Variants in AUTS2 observed in about 807,000 individuals in gnomAD.
AUTS2 encodes the protein activator of transcription and developmental regulator AUTS2.
A neutral mutation model predicts 112.4 loss-of-function variants in AUTS2; 17 were observed. The observed-to-expected ratio is 0.15, with a 90% CI of 0.10 to 0.23. The LOEUF is 0.23. Among genes scored for constraint, AUTS2 ranks in the 10% least tolerant of loss-of-function variants. The pLI, the probability that AUTS2 is intolerant of heterozygous loss-of-function variation, is 1.00. For missense variants in AUTS2, 1,510 were observed against 1,701.6 expected (o/e 0.89, Z 1.98); for synonymous variants, 751 against 702.7 (o/e 1.07, Z -1.09).
intron 6 of AUTS2, among the ~76,000 whole-genome samples, chr7:70,756,154 A>G (rs1003552608): frequency 6.6e-6 from 1 of 152,180 alleles, no homozygotes; most frequent in African/African-American, 2.4e-5. Flanking sequence ...AGTTTTCACT[A>G]TTGAGATCAC....
intron 1 of AUTS2, among the ~76,000 whole-genome samples, chr7:69,675,368 T>C (rs1257623386): frequency 1.3e-5 from 2 of 152,170 alleles, no homozygotes; most frequent in Non-Finnish European, 2.9e-5. Flanking sequence ...GTATTTTGTC[T>C]CCAGGACTAG....
chr7:70,498,257 G>A (rs1315276630), intron 5 of AUTS2, among the ~76,000 whole-genome samples: 1 of 152,200 alleles, frequency 6.6e-6, no homozygotes, highest in Admixed American at 6.5e-5. Context: ...CATTGCATGT[G>A]TGTGTGTATT....
intron 4 of AUTS2, among the ~76,000 whole-genome samples, chr7:70,367,569 A>G (rs186964769): frequency 6.8e-6 from 1 of 147,384 alleles, no homozygotes; most frequent in Non-Finnish European, 1.5e-5. Flanking sequence ...AAAAAAAAAA[A>G]TTGTAAAAAA....
intron 2 of AUTS2, among the ~76,000 whole-genome samples, chr7:70,110,397 T>C (rs1282063625): frequency 4.6e-5 from 7 of 152,080 alleles, no homozygotes; most frequent in African/African-American, 1.7e-4. Flanking sequence ...GCACCTGTAA[T>C]CTCAGCTACT....
intron 4 of AUTS2, chr7:70,291,203 G>C (rs1186976044): frequency 6.6e-6 from 1 of 152,126 alleles, no homozygotes; most frequent in Non-Finnish European, 1.5e-5. Flanking sequence ...TTTAACTTTT[G>C]TAGTTCCTAT....
intron 1 of AUTS2, among the ~76,000 whole-genome samples, chr7:69,883,254 C>T (rs1584389151): frequency 6.6e-6 from 1 of 151,006 alleles, no homozygotes; most frequent in East Asian, 1.9e-4. Flanking sequence ...TCAAAGCAGC[C>T]TCAGCTTCGG....
At chr7:69,828,897 T>C (rs1366347271) in intron 1 of AUTS2, among the ~76,000 whole-genome samples, 1 of 152,198 alleles carries the variant, frequency 6.6e-6, no homozygotes, top group Non-Finnish European at 1.5e-5. Flanking sequence ...AGGCAAAAAT[T>C]ATTCTTTCCT....
chr7:70,495,905 T>C (rs201303884), intron 5 of AUTS2, among the ~76,000 whole-genome samples: 4,126 of 21,232 alleles, frequency 0.19, no homozygotes, highest in Middle Eastern at 0.25. Context: ...CGATCACACA[T>C]CCCACTCACA....
At chr7:70,004,690 G>A (rs1264315222) in intron 2 of AUTS2, among the ~76,000 whole-genome samples, 1 of 151,334 alleles carries the variant, frequency 6.6e-6, no homozygotes, top group African/African-American at 2.4e-5. Flanking sequence ...TTTTGGGGCC[G>A]GGTGCAGTAG....
chr7:70,092,117 GAT>G (rs757453761), intron 2 of AUTS2, among the ~76,000 whole-genome samples: 55,167 of 151,536 alleles, frequency 0.36, 10,538 homozygotes, highest in African/African-American at 0.48. Flanking sequence ...ATACTCCTAA[GAT>G]TATATTTAAA....
rs577675099 is a variant in AUTS2, at chr7:70,000,189, T to C, written c.522+100691T>C. Among the ~76,000 whole-genome samples the C allele has an allele frequency of 2.6e-5, 4 of 152,302 alleles. 1 individual carries two copies. The South Asian group carries it at 8.3e-4, about 32-fold the overall frequency. ...ATAACAGAGCTGTCTGTACAGGGGATGATTCAGTCCGATACAGTCAGGGAA... is the reference window on the plus strand; with the variant it reads ...ATAACAGAGCTGTCTGTACAGGGGACGATTCAGTCCGATACAGTCAGGGAA... On this transcript the variant is annotated intron_variant, in intron 2 of 18. Transcript: ENST00000342771.
chr7:70,702,438 GA>G (rs1809507276), intron 6 of AUTS2, among the ~76,000 whole-genome samples: 1 of 152,216 alleles, frequency 6.6e-6, no homozygotes, highest in Non-Finnish European at 1.5e-5. Flanking sequence ...TAGACGGTGA[GA>G]GGGGCACAGT....
chr7:70,042,473 A>G (rs957139670), intron 2 of AUTS2, among the ~76,000 whole-genome samples: 9 of 152,192 alleles, frequency 5.9e-5, no homozygotes, highest in East Asian at 3.9e-4. Context: ...ACTGTTTCCA[A>G]TTTTTTCCTC....
intron 5 of AUTS2, among the ~76,000 whole-genome samples, chr7:70,572,544 A>G (rs1426609449): frequency 1.3e-5 from 2 of 152,168 alleles, no homozygotes; most frequent in East Asian, 1.9e-4. Context: ...ATAAAGCATT[A>G]AAGTTAAAAT....
chr7:69,821,610 C>T (rs1423996237), intron 1 of AUTS2, among the ~76,000 whole-genome samples: 4 of 152,028 alleles, frequency 2.6e-5, no homozygotes, highest in Non-Finnish European at 4.4e-5. Context: ...TTAAGAGCTG[C>T]AACACTCACC....
At chr7:69,784,247 C>T (rs991855061) in intron 1 of AUTS2, among the ~76,000 whole-genome samples, 3 of 152,102 alleles carry the variant, frequency 2.0e-5, no homozygotes, top group African/African-American at 7.2e-5. Context: ...GGGTGAAGTC[C>T]CAATGGGAAG....
At position 70,296,621 on chromosome 7, in the gene AUTS2, TTTTA is replaced by T. The variant is rs1239153565; in HGVS notation, c.661-139126_661-139123del. Among the ~76,000 whole-genome samples, 3 of 152,290 alleles carry T rather than the reference TTTTA, an allele frequency of 2.0e-5. No homozygotes were observed. The South Asian group carries it at 6.2e-4, about 32-fold the overall frequency. On this transcript the variant is annotated intron_variant, in intron 4 of 18. Coordinates refer to ENST00000342771, the MANE Select transcript of AUTS2 (RefSeq NM_015570.4). ...AATATGTTATTTCAAAGTAAAAACT[TTTTA>T]TTTAACTATTATTGTGTGTGTAACT...
At chr7:69,752,850 A>G (rs1288415021) in intron 1 of AUTS2, among the ~76,000 whole-genome samples, 1 of 152,202 alleles carries the variant, frequency 6.6e-6, no homozygotes, top group Non-Finnish European at 1.5e-5. Flanking sequence ...GAAATTGGAA[A>G]TGAAGCTGGG....
chr7:70,264,864 A>G (rs551290008), intron 4 of AUTS2, among the ~76,000 whole-genome samples: 260 of 152,324 alleles, frequency 1.7e-3, no homozygotes, highest in Admixed American at 3.7e-3. Context: ...ATTTTTAGAA[A>G]AAGTGTAAAG....
Sources: allele counts gnomAD v4.1 joint callset (sites outside exome capture counted in the v4.1 genomes callset), GRCh38; gene constraint gnomAD v4.1.1; transcripts MANE v1.5; gene names NCBI Gene and HGNC (gene_info 2026-07-23, HGNC 2026-07-21).